ELMOD3: variants seen among roughly 807,000 people sequenced by gnomAD.
ELMOD3 encodes the protein ELMO domain containing 3.
In ELMOD3, 36 loss-of-function variants were observed where a neutral mutation model predicts 47.4. The observed-to-expected ratio is 0.76, with a 90% confidence interval of 0.58 to 1.00. ELMOD3 has a LOEUF of 1.00. Among genes scored for constraint, ELMOD3 ranks in the 50% least tolerant of loss-of-function variants. The probability of loss-of-function intolerance (pLI) is 0.00; values close to 1 mark genes in which losing one functional copy is unlikely to be tolerated. For synonymous variants in ELMOD3, 149 were observed against 183.5 expected, an observed-to-expected ratio of 0.81 and a Z score of 1.52; for missense variants, 404 against 463.8, an observed-to-expected ratio of 0.87 and a Z score of 1.18.
At position 85,390,229 on chromosome 2, in the gene ELMOD3, C is replaced by A; in HGVS notation, c.907C>A (p.Arg303=). Residue 303 remains arginine, a synonymous_variant, in exon 13 of 14, where the codon CGG becomes AGG. Transcript: ENST00000409013. ...CCTCGCACATGTCTGGAGGACACAG[C>A]GGAAGACCATCTCAGACTCGGGCTT... ...LHLAHVWRTQ[R]KTISDSGFVL... is the part of the protein sequence containing the mutation. 1 of 1,614,146 alleles carries A rather than the reference C, an allele frequency of 6.2e-7. No homozygotes were observed. The highest frequency in any genetic ancestry group is 8.5e-7 in the Non-Finnish European group (1 of 1,180,016).
intron 11 of ELMOD3, among the ~76,000 whole-genome samples, chr2:85,385,694 G>A (rs1685875896): frequency 6.6e-6 from 1 of 152,194 alleles, no homozygotes; most frequent in Non-Finnish European, 1.5e-5. Context: ...AGCAGGCCAT[G>A]GAAAGGACTC....
intron 11 of ELMOD3, 79 bp from the exon 12 acceptor site, chr2:85,389,672 C>T (rs1002630955): frequency 4.9e-6 from 6 of 1,226,198 alleles, no homozygotes; most frequent in East Asian, 2.3e-5. Flanking sequence ...TGCTTGCCTG[C>T]GAGCCACACC....
At chr2:85,377,149 C>T (rs1176727027) in intron 10 of ELMOD3, among the ~76,000 whole-genome samples, 195 bp from the exon 11 acceptor site, 1 of 152,210 alleles carries the variant, frequency 6.6e-6, no homozygotes, top group Non-Finnish European at 1.5e-5. Context: ...GCCTCCAGGG[C>T]GCTGGGGTCC....
chr2:85,357,017 C>A lies in ELMOD3; in HGVS notation c.-182C>A. 1.9e-6 allele frequency: 1 copy of A among 520,764 alleles called. No individual in the cohort carries two copies. The highest frequency in any genetic ancestry group is 3.4e-6 in the Non-Finnish European group (1 of 294,222). The allele number at this position is 520,764 out of a possible 1,614,324, so 32.3% of individuals were successfully genotyped here. A position where few individuals can be genotyped will look rare whatever the true frequency, so the allele number is the denominator to read the frequency against. Reference sequence around the variant, plus strand: ...GACTTCTCTCAGCACTCACAGAAACCTCCTACACCCTCGGATGGCACAAAG... The same window carrying A: ...GACTTCTCTCAGCACTCACAGAAACATCCTACACCCTCGGATGGCACAAAG... On this transcript the variant is annotated 5_prime_UTR_variant, in exon 4 of 14. Coordinates refer to ENST00000409013, the MANE Select transcript of ELMOD3 (RefSeq NM_001135022.2).
intron 4 of ELMOD3, among the ~76,000 whole-genome samples, chr2:85,358,052 G>A (rs992868886): frequency 6.6e-6 from 1 of 152,118 alleles, no homozygotes; most frequent in African/African-American, 2.4e-5. Context: ...GGCTGAGGTG[G>A]GCAGATCACT....
intron 11 of ELMOD3, among the ~76,000 whole-genome samples, chr2:85,380,155 A>G (rs1258469193): frequency 6.6e-6 from 1 of 152,246 alleles, no homozygotes; most frequent in African/African-American, 2.4e-5. Context: ...ATTTATGCAA[A>G]TAACTGTATT....
chr2:85,369,856 C>T, intron 8 of ELMOD3, 26 bp downstream of exon 8: 2 of 1,611,446 alleles, frequency 1.2e-6, no homozygotes, highest in Non-Finnish European at 8.5e-7. Flanking sequence ...GGTTTGGAGT[C>T]TCAAGCAAAG....
chr2:85,362,653 T>G (rs1456098153), intron 5 of ELMOD3, among the ~76,000 whole-genome samples: 1 of 152,194 alleles, frequency 6.6e-6, no homozygotes, highest in Non-Finnish European at 1.5e-5. Context: ...AGTAAGTGGC[T>G]CATGCCTGTA....
At chr2:85,371,619 T>G in intron 10 of ELMOD3, 57 bp downstream of exon 10, 1 of 1,606,930 alleles carries the variant, frequency 6.2e-7, no homozygotes, top group Non-Finnish European at 8.5e-7. Flanking sequence ...AGGACTAGAG[T>G]GAGAGGCCAG....
chr2:85,390,888 C>A lies in ELMOD3; in HGVS notation c.1072C>A (p.Pro358Thr). ...AQKCYGPEAP[P>T]FKDLTFTGES... ...GAAGTGCTATGGGCCAGAAGCCCCT[C>A]CCTTCAAGGATCTCACCTTCACAGG... The change falls in exon 14 of 14, where the codon CCC becomes ACC. Residue 358 changes from proline (P) to threonine (T), a missense_variant. Physicochemically the swap from Pro to Thr is conservative, Grantham distance 38. Transcript: ENST00000409013. 1.3e-6 allele frequency: 2 copies of A among 1,551,666 alleles called. No individual in the cohort carries two copies.
chr2:85,368,608 C>T, intron 6 of ELMOD3, 78 bp from the exon 7 acceptor site: 1 of 1,459,680 alleles, frequency 6.9e-7, no homozygotes. Context: ...CCAAGGCAGG[C>T]AGACAAGGCT....
intron 7 of ELMOD3, 72 bp downstream of exon 7, chr2:85,368,826 A>G: frequency 1.3e-6 from 2 of 1,513,908 alleles, no homozygotes; most frequent in South Asian, 1.1e-5. Context: ...CATGTGGCAA[A>G]TGTTTCTGTG....
Position 85,391,089 on chromosome 2 carries a change from T to C in ELMOD3, c.*127T>C, listed in dbSNP as rs1269705275. The stretch of plus-strand genomic sequence containing the variant: ...CAGCAGATGGGATATAGGAAGCTCC[T>C]GGGCTTAGCTGTGGGAAGCCAAGTA... On this transcript the variant is annotated 3_prime_UTR_variant, in exon 14 of 14. Coordinates refer to ENST00000409013, the MANE Select transcript of ELMOD3 (RefSeq NM_001135022.2). 30 of 966,608 alleles carry C rather than the reference T, an allele frequency of 3.1e-5. No individual in the cohort carries two copies. The highest frequency in any genetic ancestry group is 2.9e-5 in the Admixed American group (1 of 34,974). The allele number at this position is 966,608 out of a possible 1,614,324, so 59.9% of individuals were successfully genotyped here.
At chr2:85,358,515 G>C (rs1275899837) in intron 4 of ELMOD3, among the ~76,000 whole-genome samples, 1 of 152,108 alleles carries the variant, frequency 6.6e-6, no homozygotes, top group African/African-American at 2.4e-5. Flanking sequence ...TGGAAGTGAG[G>C]AGAGGGATCT....
chr2:85,374,476 G>A (rs188321299), intron 10 of ELMOD3, among the ~76,000 whole-genome samples: 43 of 152,168 alleles, frequency 2.8e-4, no homozygotes, highest in Admixed American at 1.8e-3. Context: ...TAAGTAGCTG[G>A]GACTACAGGC....
At chr2:85,387,219 T>C (rs1197941051) in intron 11 of ELMOD3, 5 of 1,187,402 alleles carry the variant, frequency 4.2e-6, no homozygotes, top group Non-Finnish European at 5.4e-6. Context: ...CAGCTACCCA[T>C]GTTGAGGCAA....
intron 11 of ELMOD3, among the ~76,000 whole-genome samples, chr2:85,384,765 C>T (rs1462669095): frequency 6.6e-6 from 1 of 151,990 alleles, no homozygotes; most frequent in Non-Finnish European, 1.5e-5. Flanking sequence ...TTTTAATAGT[C>T]TCTCCATTTT....
intron 11 of ELMOD3, among the ~76,000 whole-genome samples, chr2:85,385,967 T>C (rs1016217971): frequency 5.9e-5 from 9 of 152,122 alleles, no homozygotes; most frequent in Admixed American, 2.0e-4. Context: ...CTAGAGCCCC[T>C]GTTTCCTGAC....
At position 85,376,005 on chromosome 2, in the gene ELMOD3, C is replaced by T. The variant is rs1237919158; in HGVS notation, c.608-1339C>T. 2.0e-5 allele frequency among the ~76,000 whole-genome samples: 3 copies of T among 150,156 alleles called. No homozygotes were observed. Among genetic ancestry groups the T allele is most frequent in the Non-Finnish European group, 4.5e-5 (3 of 67,368 alleles). The stretch of plus-strand genomic sequence containing the variant: ...TGGGCCCACCCAGACAGTCCAGGAT[C>T]ATCTCCCTCTCTGCTGATCAGCAAC... On this transcript the variant is annotated intron_variant, in intron 10 of 13. Transcript: ENST00000409013. This position sits in a 1 kb window ranked among gnomAD's most constrained non-coding sequence, Gnocchi z 4.2.
Sources: allele counts gnomAD v4.1 joint callset (sites outside exome capture counted in the v4.1 genomes callset), GRCh38; gene constraint gnomAD v4.1.1; non-coding constraint Gnocchi (gnomAD v3.1); transcripts MANE v1.5; gene names NCBI Gene and HGNC (gene_info 2026-07-23, HGNC 2026-07-21).